The following PC variants were observed in gnomAD, a reference collection of about 807,000 sequenced individuals.
The protein encoded by PC is pyruvate carboxylase, mitochondrial.
A neutral mutation model predicts 107.8 loss-of-function variants in PC; 46 were observed. The observed-to-expected ratio is 0.43, with a 90% CI of 0.34 to 0.55. The LOEUF is 0.55. Among genes scored for constraint, PC ranks in the 20% least tolerant of loss-of-function variants. The pLI is 0.04. For synonymous variants in PC, 662 were observed against 684.7 expected (o/e 0.97, Z 0.52); for missense variants, 1,241 against 1,643.1 (o/e 0.76, Z 4.23).
At chr11:66,865,496 G>T (rs569148966) in intron 11 of PC, among the ~76,000 whole-genome samples, 1 of 152,342 alleles carries the variant, frequency 6.6e-6, no homozygotes, top group East Asian at 1.9e-4. Context: ...GACCAGAGGC[G>T]GGGGAGATGG....
Position 66,869,588 on chromosome 11 carries a change from C to T in PC, c.904-624G>A, listed in dbSNP as rs538758724. Among the ~76,000 whole-genome samples, 4 of 152,260 alleles carry T rather than the reference C, an allele frequency of 2.6e-5. No individual in the cohort carries two copies. In the Middle Eastern group the frequency reaches 0.01, roughly 388 times the overall value. Reference sequence around the variant, plus strand: ...GCCAGTAAATAAGACCTGACTTAAACGCGACCCTGGTCGATGCCTCGCATT... The same window carrying T: ...GCCAGTAAATAAGACCTGACTTAAATGCGACCCTGGTCGATGCCTCGCATT... On this transcript the variant is annotated intron_variant, in intron 9 of 22. Transcript: ENST00000393960.
intron 3 of PC, among the ~76,000 whole-genome samples, chr11:66,918,593 G>C (rs1463670978): frequency 1.3e-5 from 2 of 151,578 alleles, no homozygotes; most frequent in African/African-American, 4.9e-5. Context: ...GGATGGTCTC[G>C]AACTCCTGAG....
chr11:66,897,991 C>T (rs554432131), intron 3 of PC, among the ~76,000 whole-genome samples: 1 of 152,290 alleles, frequency 6.6e-6, no homozygotes, highest in South Asian at 2.1e-4. Context: ...CAGGAAGTAG[C>T]AAACTCAAGA....
intron 3 of PC, among the ~76,000 whole-genome samples, chr11:66,917,534 T>C (rs1426249497): frequency 3.3e-5 from 5 of 152,186 alleles, no homozygotes; most frequent in Admixed American, 1.3e-4. Flanking sequence ...ATTCTAGAAC[T>C]AAGCTCCAAG....
intron 3 of PC, among the ~76,000 whole-genome samples, chr11:66,892,390 T>G (rs762833094): frequency 6.6e-6 from 1 of 152,110 alleles, no homozygotes; most frequent in Admixed American, 6.5e-5. Flanking sequence ...AGCACAGGCA[T>G]CACGTTCCAG....
chr11:66,860,369 T>C (rs904464003), intron 12 of PC: 3 of 960,150 alleles, frequency 3.1e-6, no homozygotes, highest in Non-Finnish European at 4.8e-6. Context: ...CAGACCAGGG[T>C]AAGGGCAGGC....
At chr11:66,949,798 G>T (rs1390754646) in intron 3 of PC, among the ~76,000 whole-genome samples, 1 of 152,138 alleles carries the variant, frequency 6.6e-6, no homozygotes, top group Admixed American at 6.5e-5. Context: ...AAAATAACTA[G>T]GTTTCTGAAT....
intron 3 of PC, among the ~76,000 whole-genome samples, chr11:66,873,602 T>G (rs549224443): frequency 5.7e-4 from 75 of 132,288 alleles, no homozygotes; most frequent in African/African-American, 2.1e-3. Context: ...CGACAACTTA[T>G]ATCCCTGAAT....
intron 12 of PC, among the ~76,000 whole-genome samples, chr11:66,856,168 TGA>T (rs1292187924): frequency 6.6e-6 from 1 of 152,164 alleles, no homozygotes; most frequent in Non-Finnish European, 1.5e-5. Flanking sequence ...GCCCTTTCTC[TGA>T]GAGGAGCTGG....
At chr11:66,880,445 G>A (rs1158292202) in intron 3 of PC, among the ~76,000 whole-genome samples, 1 of 152,164 alleles carries the variant, frequency 6.6e-6, no homozygotes, top group Non-Finnish European at 1.5e-5. Flanking sequence ...ATAGAAGAAG[G>A]AACCCCTGCA....
intron 16 of PC, 100 bp from the exon 17 acceptor site, chr11:66,851,380 G>GAGACCCTC: frequency 6.5e-7 from 1 of 1,538,424 alleles, no homozygotes; most frequent in Non-Finnish European, 8.8e-7. Flanking sequence ...CCTGGGGAAT[G>GAGACCCTC]AGATCTGAGG....
intron 3 of PC, among the ~76,000 whole-genome samples, chr11:66,900,360 A>G (rs1418772176): frequency 6.6e-6 from 1 of 151,982 alleles, no homozygotes; most frequent in Non-Finnish European, 1.5e-5. Flanking sequence ...TATTTTTAGT[A>G]GAGATGTTAG....
At chr11:66,888,467 A>G (rs1211631264) in intron 3 of PC, among the ~76,000 whole-genome samples, 1 of 152,236 alleles carries the variant, frequency 6.6e-6, no homozygotes, top group Admixed American at 6.5e-5. Flanking sequence ...TAAGGAAGAC[A>G]AGGGATCCAG....
rs1300301675 is a variant in PC at position 66,857,022 on chromosome 11, C to G, written c.1369-3639G>C. 6.8e-6 allele frequency: 1 copy of G among 146,506 alleles called. No individual in the cohort carries two copies. The highest frequency in any genetic ancestry group is 1.5e-5 in the Non-Finnish European group (1 of 65,888). The allele number at this position is 146,506 out of a possible 1,614,324, so 9.1% of individuals were successfully genotyped here. Reference sequence around the variant, plus strand: ...CCCGGGTGGATCCCCGCGCGCCCCTCCCCGTCCGCCCTCCACGTGCGTGTC... The same window carrying G: ...CCCGGGTGGATCCCCGCGCGCCCCTGCCCGTCCGCCCTCCACGTGCGTGTC... On this transcript the variant is annotated intron_variant, in intron 12 of 22. Coordinates refer to ENST00000393960, the MANE Select transcript of PC (RefSeq NM_001040716.2). The surrounding 1 kb of genome is among the most constrained non-coding windows in gnomAD (Gnocchi z 7.1).
intron 3 of PC, among the ~76,000 whole-genome samples, chr11:66,927,953 G>A (rs1948758867): frequency 6.6e-6 from 1 of 152,162 alleles, no homozygotes; most frequent in African/African-American, 2.4e-5. Context: ...TAAGTTCTAA[G>A]ATGAACAATA....
In PC at chr11:66,857,950, G is replaced by A. The variant is rs143224387; in HGVS notation, c.1369-4567C>T. The A allele has an allele frequency of 1.1e-3, 1,734 of 1,612,458 alleles. 2 individuals carry two copies. Among genetic ancestry groups the A allele is most frequent in the Admixed American group, 1.5e-3 (90 of 60,020 alleles). On this transcript the variant is annotated intron_variant, in intron 12 of 22. Coordinates refer to ENST00000393960, the MANE Select transcript of PC (RefSeq NM_001040716.2). The surrounding 1 kb of genome is among the most constrained non-coding windows in gnomAD (Gnocchi z 7.1). ...CAGGCCCTGGGGCCCCCTGACTTCC[G>A]CAACATGACGGGACTGGTGGACCTG... is the stretch of plus-strand genomic sequence containing the variant.
At position 66,848,457 on chromosome 11, in the gene PC, G is replaced by A; in HGVS notation, c.*442C>T. The A allele has an allele frequency of 7.4e-6, 4 of 538,376 alleles. No individual in the cohort carries two copies. Among genetic ancestry groups the A allele is most frequent in the South Asian group, 6.0e-5 (2 of 33,362 alleles). The allele number at this position is 538,376 out of a possible 1,614,324, so 33.3% of individuals were successfully genotyped here. A position where few individuals can be genotyped will look rare whatever the true frequency, so the allele number is the denominator to read the frequency against. On this transcript the variant is annotated 3_prime_UTR_variant, in exon 23 of 23. Coordinates refer to ENST00000393960, the MANE Select transcript of PC (RefSeq NM_001040716.2). The stretch of plus-strand genomic sequence containing the variant: ...CACAACTGACCTGCCCACCCATGGG[G>A]AGCTTGAAAGGCAGCCCCCCACTGC...
chr11:66,850,101 T>C lies in PC; in HGVS notation c.2734A>G (p.Lys912Glu). 4 of 1,613,650 alleles carry C rather than the reference T, an allele frequency of 2.5e-6. No individual in the cohort carries two copies. The highest frequency in any genetic ancestry group is 3.4e-6 in the Non-Finnish European group (4 of 1,179,998). Residue 912 changes from lysine (K) to glutamate (E), a missense_variant, in exon 20 of 23, where the codon AAG becomes GAG. Transcript: ENST00000393960. ...AACTGGGCCAGGTCCCCCACGATCT[T>C]GGAGGAGGGCGTCACCTGAGGAGAA... Reference protein sequence around the residue: ...GDLIKVTPSSKIVGDLAQFMV... With the variant: ...GDLIKVTPSSEIVGDLAQFMV...
intron 12 of PC, chr11:66,860,171 G>A (rs1273994192): frequency 6.5e-7 from 1 of 1,546,726 alleles, no homozygotes; most frequent in Middle Eastern, 1.7e-4. Context: ...GCAGCGCCGA[G>A]CGGCTGGAAG....
Sources: gnomAD v4.1 joint callset for allele counts (sites outside exome capture counted in the v4.1 genomes callset) on GRCh38, gnomAD v4.1.1 for gene constraint, Gnocchi (gnomAD v3.1) non-coding constraint, MANE v1.5 for transcripts, NCBI Gene and HGNC (gene_info 2026-07-23, HGNC 2026-07-21) for gene names.